Variants in ABCA3 observed in about 807,000 individuals in gnomAD.
ABCA3 encodes phospholipid-transporting ATPase ABCA3.
In ABCA3, 88 loss-of-function variants were observed where a neutral mutation model predicts 172.8. The ratio of observed to expected loss-of-function variants is 0.51; its 90% CI spans 0.43 to 0.61. The LOEUF is 0.61. ABCA3 is among the 20% of genes least tolerant of loss of function. ABCA3 has a pLI of 0.00. For synonymous variants in ABCA3, 1,066 were observed against 983.8 expected, an observed-to-expected ratio of 1.08 and a Z score of -1.56; for missense variants, 2,164 against 2,301.0, an observed-to-expected ratio of 0.94 and a Z score of 1.22.
At position 2,308,601 on chromosome 16, in the gene ABCA3, T is replaced by A. The variant is rs1483534264; in HGVS notation, c.1134A>T (p.Gly378=). 6.2e-7 allele frequency: 1 copy of A among 1,613,886 alleles called. No individual in the cohort carries two copies. The highest frequency in any genetic ancestry group is 8.5e-7 in the Non-Finnish European group (1 of 1,179,938). ...TGTAGGTGAAGAAGTAGAGGAAGCCTCCGAAGGCTGCTGCCATGTTGGCTG... is the reference window on the plus strand; with the variant it reads ...TGTAGGTGAAGAAGTAGAGGAAGCCACCGAAGGCTGCTGCCATGTTGGCTG... The part of the protein sequence containing the change: ...FSKANMAAAF[G]GFLYFFTYIP... Residue 378 remains glycine, a synonymous_variant, in exon 11 of 33, where the codon GGA becomes GGT. Transcript: ENST00000301732.
At chr16:2,282,654 C>T (rs1314305636) in intron 26 of ABCA3, among the ~76,000 whole-genome samples, 1 of 140,726 alleles carries the variant, frequency 7.1e-6, no homozygotes, top group Non-Finnish European at 1.6e-5. Context: ...ACTGGGCACC[C>T]CTCAGCCCCA....
chr16:2,286,996 A>G lies in ABCA3; in HGVS notation c.3005-29T>C. On this transcript the variant is annotated intron_variant, in intron 21 of 32. Coordinates refer to ENST00000301732, the MANE Select transcript of ABCA3 (RefSeq NM_001089.3). The surrounding 1 kb of genome is among the most constrained non-coding windows in gnomAD (Gnocchi z 5.2). ...GGGAGCAATGGCAGAGTCAGGGGAC[A>G]CAGGAAGAGGTGACACCTGGGCACC... is the stretch of plus-strand genomic sequence containing the variant. 1 of 1,606,214 alleles carries G rather than the reference A, an allele frequency of 6.2e-7. No individual in the cohort carries two copies. The highest frequency in any genetic ancestry group is 8.5e-7 in the Non-Finnish European group (1 of 1,177,092).
At chr16:2,336,530 A>C (rs2093752000) in intron 1 of ABCA3, among the ~76,000 whole-genome samples, 1 of 151,140 alleles carries the variant, frequency 6.6e-6, no homozygotes, top group Non-Finnish European at 1.5e-5. Flanking sequence ...TCCCAGGTTC[A>C]AGTGATTCTC....
rs867255795 is a variant in ABCA3, at chr16:2,283,454, G to T, written c.3863-96C>A. 1 of 1,428,110 alleles carries T rather than the reference G, an allele frequency of 7.0e-7. No individual in the cohort carries two copies. Among genetic ancestry groups the T allele is most frequent in the Middle Eastern group, 2.5e-4 (1 of 3,986 alleles). 88.5% of individuals were successfully genotyped at this position (1,428,110 alleles called of 1,614,324 possible). A position where few individuals can be genotyped will look rare whatever the true frequency, so the allele number is the denominator to read the frequency against. Reference sequence around the variant, plus strand: ...CACTCCCCTCCCCAGGCTGCTCAAGGCGCCTGTAACAATGTCCCCTCCATG... The same window carrying T: ...CACTCCCCTCCCCAGGCTGCTCAAGTCGCCTGTAACAATGTCCCCTCCATG... On this transcript the variant is annotated intron_variant, in intron 25 of 32. Coordinates refer to ENST00000301732, the MANE Select transcript of ABCA3 (RefSeq NM_001089.3). This position sits in a 1 kb window ranked among gnomAD's most constrained non-coding sequence, Gnocchi z 5.4.
chr16:2,307,016 C>CAAAAAAAAA (rs201661615), intron 11 of ABCA3, among the ~76,000 whole-genome samples: 16 of 65,974 alleles, frequency 2.4e-4, no homozygotes, highest in African/African-American at 5.8e-4. Context: ...GACTCCGTCT[C>CAAAAAAAAA]AAAAAAAAAA....
rs894947050 is a variant in ABCA3 at position 2,297,629 on chromosome 16, G to A, written c.2053-90C>T. 1.2e-4 allele frequency: 186 copies of A among 1,589,998 alleles called. 1 individual carries two copies. In the East Asian group the frequency reaches 2.8e-3, roughly 24 times the overall value. ...CGGTAGGCCCCATCGAGGGGTTCGC[G>A]GAGCCGGCTTGAGTCCTCCAAGGAT... On this transcript the variant is annotated intron_variant, in intron 16 of 32. Transcript: ENST00000301732. The surrounding 1 kb of genome is among the most constrained non-coding windows in gnomAD (Gnocchi z 5.6).
intron 3 of ABCA3, among the ~76,000 whole-genome samples, chr16:2,327,604 G>A (rs1178393097): frequency 1.3e-5 from 2 of 152,220 alleles, no homozygotes; most frequent in Non-Finnish European, 2.9e-5. Flanking sequence ...AGGCAGACAT[G>A]CTGGTGGGGC....
chr16:2,281,276 C>G lies in ABCA3; in HGVS notation c.4165-55G>C. ...GCGGAGGCCTGGACGCAAAGCAGAG[C>G]AGTCTGAGCCTCAGCGCCGAAAGCT... On this transcript the variant is annotated intron_variant, in intron 27 of 32. Coordinates refer to ENST00000301732, the MANE Select transcript of ABCA3 (RefSeq NM_001089.3). This position sits in a 1 kb window ranked among gnomAD's most constrained non-coding sequence, Gnocchi z 4.7. 2 of 1,613,126 alleles carry G rather than the reference C, an allele frequency of 1.2e-6. No individual in the cohort carries two copies. The highest frequency in any genetic ancestry group is 1.7e-6 in the Non-Finnish European group (2 of 1,179,844).
At chr16:2,325,815 G>A (rs928813746) in intron 5 of ABCA3, among the ~76,000 whole-genome samples, 195 bp downstream of exon 5, 7 of 152,186 alleles carry the variant, frequency 4.6e-5, no homozygotes, top group South Asian at 2.1e-4. Context: ...CTATTTACTC[G>A]CAGGCAGGCA....
At chr16:2,298,701 G>A (rs1057246221) in intron 14 of ABCA3, among the ~76,000 whole-genome samples, 161 bp from the exon 15 acceptor site, 1 of 152,110 alleles carries the variant, frequency 6.6e-6, no homozygotes, top group African/African-American at 2.4e-5. Flanking sequence ...GGCTTTGGCT[G>A]GGCCAGTGGG....
chr16:2,326,583 C>A, intron 3 of ABCA3, 91 bp from the exon 4 acceptor site: 2 of 1,345,550 alleles, frequency 1.5e-6, no homozygotes, highest in South Asian at 2.5e-5. Flanking sequence ...CTTTTTCCTC[C>A]ATGTCTCTCA....
chr16:2,318,276 G>A (rs1382371842), intron 8 of ABCA3, among the ~76,000 whole-genome samples: 2 of 152,106 alleles, frequency 1.3e-5, no homozygotes, highest in African/African-American at 2.4e-5. Context: ...AGTGAAGGAC[G>A]AGGCGCAGTG....
At chr16:2,331,885 A>G (rs1376580630) in intron 1 of ABCA3, among the ~76,000 whole-genome samples, 1 of 152,240 alleles carries the variant, frequency 6.6e-6, no homozygotes, top group East Asian at 1.9e-4. Flanking sequence ...TTCCCTTTGA[A>G]GAGGCTCTCT....
chr16:2,332,723 G>A (rs539580831), intron 1 of ABCA3: 12 of 1,259,408 alleles, frequency 9.5e-6, no homozygotes, highest in African/African-American at 1.5e-5. Flanking sequence ...CCAAAGACCC[G>A]CACCGATTGC....
chr16:2,285,591 C>T lies in ABCA3; in HGVS notation c.3334G>A (p.Ala1112Thr). Residue 1112 changes from alanine (A) to threonine (T), a missense_variant, in exon 23 of 33, where the codon GCC (alanine) becomes ACC (threonine). By Grantham distance (58) the Ala-to-Thr change is moderately conservative. This residue lies in a region of ABCA3 where 795 missense variants were observed against 881.9 expected (regional missense o/e 0.90). Transcript: ENST00000301732. This position sits in a 1 kb window ranked among gnomAD's most constrained non-coding sequence, Gnocchi z 4.7. ...ACCGCCAGGATGGAGAACGTGCTGG[C>T]CAAGAATGCCATGGCGAAGAGCAGG... ...LNLLFAMAFL[A>T]STFSILAVSE... 4.5e-6 allele frequency: 7 copies of T among 1,561,852 alleles called. No homozygotes were observed. The highest frequency in any genetic ancestry group is 6.1e-6 in the Non-Finnish European group (7 of 1,152,546).
rs138143573 is a variant in ABCA3 at position 2,303,839 on chromosome 16, G to A, written c.1467+130C>T. On this transcript the variant is annotated intron_variant, in intron 12 of 32. Transcript: ENST00000301732. ...GGGACACGCCACTCCCTGTGCACAGGGCAGGGTTCTGTGTGCCAGCCCCAC... is the reference window on the plus strand; with the variant it reads ...GGGACACGCCACTCCCTGTGCACAGAGCAGGGTTCTGTGTGCCAGCCCCAC... 2.7e-4 allele frequency: 283 copies of A among 1,045,046 alleles called. 1 individual carries two copies. The East Asian group carries it at 7.1e-3, about 26-fold the overall frequency. 64.7% of individuals were successfully genotyped at this position (1,045,046 alleles called of 1,614,324 possible).
chr16:2,332,884 G>A (rs1435213441), intron 1 of ABCA3, among the ~76,000 whole-genome samples: 4 of 151,750 alleles, frequency 2.6e-5, no homozygotes, highest in Non-Finnish European at 4.4e-5. Context: ...AGGGCTCATC[G>A]CAGCCTGGTG....
In ABCA3 at chr16:2,279,483, G is replaced by A. The variant is rs2093651843; in HGVS notation, c.4360-353C>T. On this transcript the variant is annotated intron_variant, in intron 28 of 32. Coordinates refer to ENST00000301732, the MANE Select transcript of ABCA3 (RefSeq NM_001089.3). The surrounding 1 kb of genome is among the most constrained non-coding windows in gnomAD (Gnocchi z 4.4). The stretch of plus-strand genomic sequence containing the variant: ...CTCATTCACACCTGGGACATCTGAT[G>A]TGCTAGGACTCTTTCTTCTCCCTCT... Among the ~76,000 whole-genome samples, 1 of 152,326 alleles carries A rather than the reference G, an allele frequency of 6.6e-6. No individual in the cohort carries two copies.
chr16:2,328,244 CAG>C (rs2093737457), intron 3 of ABCA3, among the ~76,000 whole-genome samples: 1 of 152,194 alleles, frequency 6.6e-6, no homozygotes, highest in East Asian at 1.9e-4. Context: ...ATATCAGAAA[CAG>C]AGGCTGGGTG....
Sources: allele counts gnomAD v4.1 joint callset (sites outside exome capture counted in the v4.1 genomes callset), GRCh38; gene constraint gnomAD v4.1.1; regional missense constraint gnomAD v4.1.1; non-coding constraint Gnocchi (gnomAD v3.1); transcripts MANE v1.5; gene names NCBI Gene and HGNC (gene_info 2026-07-23, HGNC 2026-07-21).